The following PKHD1L1 variants were observed in gnomAD, a reference collection of about 807,000 sequenced individuals.
PKHD1L1 encodes the protein PKHD1 like 1, also known as fibrocystin-L.
In PKHD1L1, 434 loss-of-function variants were observed where a neutral mutation model predicts 462.9. The observed-to-expected ratio is 0.94, with a 90% CI of 0.87 to 1.02. The LOEUF is 1.02. Ranked by LOEUF, PKHD1L1 falls within the 50% of genes least tolerant of loss-of-function variation. The pLI is 0.00. For synonymous variants in PKHD1L1, 1,781 were observed against 1,750.0 expected (o/e 1.02, Z -0.44); for missense variants, 5,202 against 5,096.1 (o/e 1.02, Z -0.63).
At chr8:109,471,852 A>G (rs1461019402) in intron 50 of PKHD1L1, among the ~76,000 whole-genome samples, 1 of 152,152 alleles carries the variant, frequency 6.6e-6, no homozygotes, top group East Asian at 1.9e-4. Context: ...TTTAAAATTT[A>G]TTTGCAAATA....
chr8:109,493,733 G>T lies in PKHD1L1; in HGVS notation c.10309G>T (p.Asp3437Tyr), dbSNP rs754977888. The T allele has an allele frequency of 1.2e-6, 2 of 1,605,498 alleles. No individual in the cohort carries two copies. The highest frequency in any genetic ancestry group is 1.7e-6 in the Non-Finnish European group (2 of 1,175,546). The change falls in exon 63 of 78, where the codon GAT becomes TAT. Residue 3437 changes from aspartate to tyrosine, a missense_variant. Physicochemically the swap from Asp to Tyr is radical, Grantham distance 160. Around this residue, in one of 3 missense-constraint regions of PKHD1L1, gnomAD observed 4,497 missense variants for 4,336.8 expected, o/e 1.04. Coordinates refer to ENST00000378402, the MANE Select transcript of PKHD1L1 (RefSeq NM_177531.6). ...ATTTGGAAGAGCAGGATACCGCATT[G>T]ATGGTGAACCTTGCCCAGGTAAGTC... ...AGFGRAGYRI[D>Y]GEPCPGQFNP...
intron 71 of PKHD1L1, among the ~76,000 whole-genome samples, chr8:109,511,674 T>A (rs942666716): frequency 2.5e-4 from 38 of 152,256 alleles, no homozygotes; most frequent in African/African-American, 8.7e-4. Flanking sequence ...TGTGTCTTTA[T>A]AGAAGCATGA....
chr8:109,445,708 A>G, intron 38 of PKHD1L1, 63 bp downstream of exon 38: 1 of 1,404,344 alleles, frequency 7.1e-7, no homozygotes, highest in Non-Finnish European at 9.6e-7. Flanking sequence ...TTAGTATGGA[A>G]TTGGAATGAT....
At chr8:109,506,089 T>A (rs959840225) in intron 68 of PKHD1L1, among the ~76,000 whole-genome samples, 2 of 152,174 alleles carry the variant, frequency 1.3e-5, no homozygotes, top group African/African-American at 4.8e-5. Context: ...TGTCACTGAA[T>A]CTTTCAGATT....
chr8:109,513,299 T>G (rs1221900312), intron 71 of PKHD1L1, among the ~76,000 whole-genome samples: 1 of 152,112 alleles, frequency 6.6e-6, no homozygotes, highest in Admixed American at 6.6e-5. Flanking sequence ...ATGCTTCCAG[T>G]TTTTGCCCTA....
chr8:109,436,873 A>G (rs1430121966), intron 30 of PKHD1L1, among the ~76,000 whole-genome samples: 2 of 152,222 alleles, frequency 1.3e-5, no homozygotes, highest in African/African-American at 2.4e-5. Flanking sequence ...AGTAGTCTAA[A>G]GATTTCAGGA....
In PKHD1L1 at chr8:109,394,482, G is replaced by A; in HGVS notation, c.808G>A (p.Ala270Thr). 1.3e-6 allele frequency: 2 copies of A among 1,505,852 alleles called. No homozygotes were observed. Among genetic ancestry groups the A allele is most frequent in the East Asian group, 2.4e-5 (1 of 41,058 alleles). The allele number at this position is 1,505,852 out of a possible 1,614,324, so 93.3% of individuals were successfully genotyped here. A position where few individuals can be genotyped will look rare whatever the true frequency, so the allele number is the denominator to read the frequency against. ...TAAAATTGCAATGTTTCAAACATAT[G>A]CAGGTATGTGACTTTTCTTTCACTC... Reference protein sequence around the residue: ...LNKIAMFQTYAEVTMIFPSQG... With the variant: ...LNKIAMFQTYTEVTMIFPSQG... The change falls in exon 10 of 78, where the codon GCA (alanine) becomes ACA (threonine). Residue 270 changes from alanine to threonine, a missense_variant. Physicochemically the swap from Ala to Thr is moderately conservative, Grantham distance 58 (BLOSUM62 0). Coordinates refer to ENST00000378402, the MANE Select transcript of PKHD1L1 (RefSeq NM_177531.6).
rs1418793050 is a variant in PKHD1L1, at chr8:109,398,358, A to G, written c.923-101A>G. 9 of 730,574 alleles carry G rather than the reference A, an allele frequency of 1.2e-5. No homozygotes were observed. In the Middle Eastern group the frequency reaches 1.3e-3, roughly 105 times the overall value. The allele number at this position is 730,574 out of a possible 1,614,324, so 45.3% of individuals were successfully genotyped here. The stretch of plus-strand genomic sequence containing the variant: ...AGAGCCCTAATTTTGCCTCTTGTTT[A>G]TGCAACTTTGTTTTAATTGCAAAAG... On this transcript the variant is annotated intron_variant, in intron 11 of 77. Transcript: ENST00000378402.
intron 50 of PKHD1L1, among the ~76,000 whole-genome samples, chr8:109,473,309 C>A (rs753915541): frequency 6.6e-6 from 1 of 151,896 alleles, no homozygotes; most frequent in Admixed American, 6.6e-5. Flanking sequence ...GTCAAGAGTT[C>A]GAAAGCAGCC....
At chr8:109,368,983 ATTT>A (rs530600117) in intron 2 of PKHD1L1, among the ~76,000 whole-genome samples, 1 of 145,180 alleles carries the variant, frequency 6.9e-6, no homozygotes, top group African/African-American at 2.5e-5. Flanking sequence ...AGAATTACAT[ATTT>A]TTTTTTTTTT....
At chr8:109,402,137 C>T (rs1187570797) in intron 14 of PKHD1L1, among the ~76,000 whole-genome samples, 2 of 152,052 alleles carry the variant, frequency 1.3e-5, no homozygotes, top group African/African-American at 4.8e-5. Context: ...CAGATAATCC[C>T]ATTCAAAAAG....
At chr8:109,471,083 C>CA in intron 50 of PKHD1L1, 1 of 1,550,852 alleles carries the variant, frequency 6.4e-7, no homozygotes, top group Non-Finnish European at 8.9e-7. Context: ...AATTCCTCAT[C>CA]AAACATACAG....
chr8:109,396,194 T>C, intron 11 of PKHD1L1, 57 bp downstream of exon 11: 1 of 1,097,010 alleles, frequency 9.1e-7, no homozygotes, highest in Non-Finnish European at 1.3e-6. Flanking sequence ...GCCTGCTCTT[T>C]AATAATTTGT....
chr8:109,423,099 T>A (rs922964058), intron 23 of PKHD1L1, among the ~76,000 whole-genome samples: 4 of 152,218 alleles, frequency 2.6e-5, no homozygotes, highest in Admixed American at 6.5e-5. Flanking sequence ...CACCTTTTCA[T>A]CTTCTTCATA....
rs570647817 is a variant in PKHD1L1 at position 109,414,856 on chromosome 8, T to C, written c.2360+1311T>C. On this transcript the variant is annotated intron_variant, in intron 21 of 77. Coordinates refer to ENST00000378402, the MANE Select transcript of PKHD1L1 (RefSeq NM_177531.6). The stretch of plus-strand genomic sequence containing the variant: ...AGATGTTAATGGAGAGTAGAGTAGT[T>C]AGATGGGAAGAAATGGCAGTCTTGA... Among the ~76,000 whole-genome samples, 52 of 152,146 alleles carry C rather than the reference T, an allele frequency of 3.4e-4. No individual in the cohort carries two copies. The Middle Eastern group carries it at 0.014, about 40-fold the overall frequency.
chr8:109,405,738 C>T (rs1280539823), intron 16 of PKHD1L1, among the ~76,000 whole-genome samples: 1 of 152,024 alleles, frequency 6.6e-6, no homozygotes, highest in Admixed American at 6.6e-5. Context: ...ATAGCTAATG[C>T]ATACTGGGCT....
intron 19 of PKHD1L1, 37 bp downstream of exon 19, chr8:109,410,015 T>C: frequency 9.2e-7 from 1 of 1,088,600 alleles, no homozygotes; most frequent in Non-Finnish European, 1.3e-6. Context: ...ACTGACCTAA[T>C]AAGAATTTAT....
intron 6 of PKHD1L1, among the ~76,000 whole-genome samples, chr8:109,387,990 C>T (rs1374183252): frequency 6.6e-6 from 1 of 152,164 alleles, no homozygotes. Flanking sequence ...TGAACTCTGG[C>T]TCTTCTCAGC....
chr8:109,426,877 G>A (rs1438549924), intron 24 of PKHD1L1, 125 bp from the exon 25 acceptor site: 5 of 639,842 alleles, frequency 7.8e-6, no homozygotes, highest in South Asian at 3.6e-5. Flanking sequence ...GATCTCAAAC[G>A]CCTGACCTCA....
Sources: gnomAD v4.1 joint callset for allele counts (sites outside exome capture counted in the v4.1 genomes callset) on GRCh38, gnomAD v4.1.1 for gene constraint, gnomAD v4.1.1 regional missense constraint, MANE v1.5 for transcripts, NCBI Gene and HGNC (gene_info 2026-07-23, HGNC 2026-07-21) for gene names.